The following PLXNA4 variants were observed in gnomAD, a reference collection of about 807,000 sequenced individuals.
The protein encoded by PLXNA4 is plexin A4, also known as plexin-A4.
Under a neutral mutation model 191.8 loss-of-function variants are expected in PLXNA4, and 44 were observed. That is an observed-to-expected ratio of 0.23 (90% CI 0.18 to 0.29). PLXNA4 has a LOEUF of 0.29. PLXNA4 is among the 10% of genes least tolerant of loss of function. The pLI is 1.00. For missense variants in PLXNA4, 1,800 were observed against 2,488.8 expected (o/e 0.72, Z 5.89); for synonymous variants, 1,082 against 1,009.5 (o/e 1.07, Z -1.36).
At position 132,147,916 on chromosome 7, in the gene PLXNA4, G is replaced by T. The variant is rs764639247; in HGVS notation, c.4848C>A (p.Thr1616=). Reference sequence around the variant, plus strand: ...GGATCTTACCATATTTACTTGCTGAGGTCCTGGAGACGGTGGAGTTGTTCA... The same window carrying T: ...GGATCTTACCATATTTACTTGCTGATGTCCTGGAGACGGTGGAGTTGTTCA... ...NAVNNSTVSR[T]SASKYENMIR... is the part of the protein sequence containing the mutation. Residue 1616 remains threonine, a synonymous_variant, in exon 27 of 32, where the codon ACC becomes ACA. Coordinates refer to ENST00000321063, the MANE Select transcript of PLXNA4 (RefSeq NM_020911.2). 1 of 1,614,140 alleles carries T rather than the reference G, an allele frequency of 6.2e-7. No individual in the cohort carries two copies. The highest frequency in any genetic ancestry group is 8.5e-7 in the Non-Finnish European group (1 of 1,180,030).
At chr7:132,556,833 G>A (rs866473523) in intron 1 of PLXNA4, among the ~76,000 whole-genome samples, 1 of 152,202 alleles carries the variant, frequency 6.6e-6, no homozygotes, top group Non-Finnish European at 1.5e-5. Context: ...AAGGTCAAAT[G>A]AGATAATATG....
intron 4 of PLXNA4, among the ~76,000 whole-genome samples, chr7:132,260,957 G>T (rs1436842693): frequency 1.3e-5 from 2 of 152,162 alleles, no homozygotes; most frequent in Non-Finnish European, 2.9e-5. Flanking sequence ...GTTGATAGTG[G>T]TGGACAGTGG....
chr7:132,575,403 C>T lies in PLXNA4; in HGVS notation c.-87+1019G>A, dbSNP rs149247021. On this transcript the variant is annotated intron_variant, in intron 1 of 31. Coordinates refer to ENST00000321063, the MANE Select transcript of PLXNA4 (RefSeq NM_020911.2). The stretch of plus-strand genomic sequence containing the variant: ...AGACCCACGAATGCCTTGCCTTCTC[C>T]GGTGGGCAGTGCCGCCACGGTCGTG... Among the ~76,000 whole-genome samples, 436 of 152,316 alleles carry T rather than the reference C, an allele frequency of 2.9e-3. 6 individuals carry two copies. The South Asian group carries it at 0.031, about 11-fold the overall frequency.
intron 3 of PLXNA4, among the ~76,000 whole-genome samples, chr7:132,421,092 C>T (rs1041288641): frequency 6.6e-6 from 1 of 152,198 alleles, no homozygotes; most frequent in South Asian, 2.1e-4. Flanking sequence ...ACTCTATGAT[C>T]CTATTCCCCT....
intron 3 of PLXNA4, among the ~76,000 whole-genome samples, chr7:132,443,126 T>G (rs1156422685): frequency 6.6e-6 from 1 of 152,172 alleles, no homozygotes; most frequent in Non-Finnish European, 1.5e-5. Context: ...TCCTGTGTCT[T>G]CAGGGGCCTA....
chr7:132,646,415 C>T (rs1803870998), intron 1 of PLXNA4, among the ~76,000 whole-genome samples: 1 of 152,176 alleles, frequency 6.6e-6, no homozygotes, highest in African/African-American at 2.4e-5. Context: ...TGTTGAATCC[C>T]TAATCTCCGA....
chr7:132,481,580 C>A (rs1797337933), intron 3 of PLXNA4, among the ~76,000 whole-genome samples: 1 of 152,128 alleles, frequency 6.6e-6, no homozygotes, highest in South Asian at 2.1e-4. Context: ...ACATCTAGAA[C>A]AATCCTGGTG....
chr7:132,485,146 A>C, intron 3 of PLXNA4: 1 of 1,298,410 alleles, frequency 7.7e-7, no homozygotes, highest in Non-Finnish European at 1.0e-6. Context: ...CTTCATGGGA[A>C]TGTGCACCCA....
intron 1 of PLXNA4, among the ~76,000 whole-genome samples, chr7:132,545,318 G>A (rs1183422015): frequency 6.6e-6 from 1 of 152,168 alleles, no homozygotes; most frequent in Non-Finnish European, 1.5e-5. Flanking sequence ...CCTATCAAAG[G>A]AGAATGAGGT....
At chr7:132,501,220 G>A (rs1180888229) in intron 2 of PLXNA4, among the ~76,000 whole-genome samples, 1 of 150,842 alleles carries the variant, frequency 6.6e-6, no homozygotes, top group Non-Finnish European at 1.5e-5. Context: ...TGCACCAAGA[G>A]TGTGAGTGAG....
chr7:132,179,255 C>A (rs577316930), intron 20 of PLXNA4, among the ~76,000 whole-genome samples: 12 of 150,270 alleles, frequency 8.0e-5, no homozygotes, highest in African/African-American at 3.0e-4. Context: ...CAGCCTCCAG[C>A]ACTGCTCACA....
intron 12 of PLXNA4, among the ~76,000 whole-genome samples, chr7:132,199,807 C>T (rs1307394702): frequency 6.6e-6 from 1 of 152,206 alleles, no homozygotes; most frequent in East Asian, 1.9e-4. Flanking sequence ...GACTGCTTAC[C>T]TGCCACAGTC....
chr7:132,307,599 G>A (rs73157280), intron 3 of PLXNA4, among the ~76,000 whole-genome samples: 3,835 of 151,984 alleles, frequency 0.025, 62 homozygotes, highest in Middle Eastern at 0.048. Context: ...ACTGGGAGAT[G>A]TTACAGCAAA....
At chr7:132,275,660 T>C (rs557117211) in intron 4 of PLXNA4, among the ~76,000 whole-genome samples, 1 of 152,264 alleles carries the variant, frequency 6.6e-6, no homozygotes, top group African/African-American at 2.4e-5. Context: ...GCAAGGGACC[T>C]CTCCTTTTGC....
At chr7:132,203,538 G>A in intron 10 of PLXNA4, 119 bp from the exon 11 acceptor site, 1 of 815,492 alleles carries the variant, frequency 1.2e-6, no homozygotes. Context: ...GGCCAAGACT[G>A]TGCTTGTGTG....
At chr7:132,484,717 T>C (rs73724040) in intron 3 of PLXNA4, 43,425 of 1,534,912 alleles carry the variant, frequency 0.028, 804 homozygotes, top group African/African-American at 0.079. Context: ...CAACATTGTA[T>C]CTCCATTTGA....
At chr7:132,366,796 C>T (rs1423606677) in intron 3 of PLXNA4, among the ~76,000 whole-genome samples, 1 of 152,194 alleles carries the variant, frequency 6.6e-6, no homozygotes, top group African/African-American at 2.4e-5. Flanking sequence ...GTGCCTTGCT[C>T]TGTTGTCCAG....
chr7:132,226,351 T>C, intron 7 of PLXNA4, 91 bp from the exon 8 acceptor site: 1 of 1,130,778 alleles, frequency 8.8e-7, no homozygotes, highest in Non-Finnish European at 1.3e-6. Context: ...AAAGGGAGCC[T>C]GCTCCCCAGG....
At chr7:132,203,945 G>A (rs1797527751) in intron 10 of PLXNA4, among the ~76,000 whole-genome samples, 1 of 152,178 alleles carries the variant, frequency 6.6e-6, no homozygotes, top group Admixed American at 6.5e-5. Flanking sequence ...GCAGGGCGGT[G>A]GTTGCAGAGA....
Sources: allele counts gnomAD v4.1 joint callset (sites outside exome capture counted in the v4.1 genomes callset), GRCh38; gene constraint gnomAD v4.1.1; transcripts MANE v1.5; gene names NCBI Gene and HGNC (gene_info 2026-07-23, HGNC 2026-07-21).